The following GYS2 variants were observed in gnomAD, a reference collection of about 807,000 sequenced individuals.
The protein encoded by GYS2 is glycogen [starch] synthase, liver.
In GYS2, 80 loss-of-function variants were observed where a neutral mutation model predicts 85.6. The observed-to-expected ratio is 0.93, with a 90% CI of 0.78 to 1.13. The LOEUF (loss-of-function observed/expected upper bound fraction) is 1.13, where lower values mean the gene tolerates loss of function less well. GYS2 is among the 50% of genes most tolerant of loss of function. The pLI is 0.00. For synonymous variants in GYS2, 328 were observed against 300.7 expected (o/e 1.09, Z -0.94); for missense variants, 881 against 854.9 (o/e 1.03, Z -0.38).
chr12:21,600,049 C>G (rs886242030), intron 1 of GYS2, among the ~76,000 whole-genome samples: 2 of 152,074 alleles, frequency 1.3e-5, no homozygotes, highest in Admixed American at 1.3e-4. Context: ...CCAAATCATG[C>G]AGTCTGACTT....
In GYS2 at chr12:21,574,234, A is replaced by T. The variant is rs1446031157; in HGVS notation, c.588T>A (p.Leu196=). ...IGLILSRARK[L]PIATIFTTHA... Reference sequence around the variant, plus strand: ...GGGTTGTAAATATTGTGGCAATAGGAAGTTTCCTGGCTCGAGAAAGGATCA... The same window carrying T: ...GGGTTGTAAATATTGTGGCAATAGGTAGTTTCCTGGCTCGAGAAAGGATCA... Residue 196 remains leucine, a synonymous_variant, in exon 4 of 16, where the codon CTT becomes CTA. Transcript: ENST00000261195. 6.2e-7 allele frequency: 1 copy of T among 1,613,592 alleles called. No homozygotes were observed. The highest frequency in any genetic ancestry group is 1.1e-5 in the South Asian group (1 of 91,072).
intron 15 of GYS2, among the ~76,000 whole-genome samples, chr12:21,538,013 C>T (rs578211700): frequency 6.6e-6 from 1 of 152,280 alleles, no homozygotes; most frequent in Admixed American, 6.5e-5. Flanking sequence ...AGCAATACAA[C>T]AAAAGAACTG....
At position 21,540,489 on chromosome 12, in the gene GYS2, T is replaced by C. The variant is rs1156942934; in HGVS notation, c.1730A>G (p.Gln577Arg). 1.2e-6 allele frequency: 2 copies of C among 1,613,900 alleles called. No homozygotes were observed. The highest frequency in any genetic ancestry group is 1.7e-6 in the Non-Finnish European group (2 of 1,179,898). ...LTKFLYGFCK[Q>R]SRRQRIIQRN... The stretch of plus-strand genomic sequence containing the variant: ...CTGGATAATCCTTTGGCGGCGTGAC[T>C]GTTTGCAAAATCCATAGAGAAACTT... The change falls in exon 14 of 16, where the codon CAG becomes CGG. Residue 577 changes from glutamine (Q) to arginine (R), a missense_variant. Gln to Arg is a conservative substitution (Grantham distance 43). Coordinates refer to ENST00000261195, the MANE Select transcript of GYS2 (RefSeq NM_021957.4).
At chr12:21,538,887 C>G (rs935730144) in intron 15 of GYS2, among the ~76,000 whole-genome samples, 1 of 152,192 alleles carries the variant, frequency 6.6e-6, no homozygotes. Flanking sequence ...GCTGAACTTA[C>G]TCTATTTTAC....
intron 1 of GYS2, among the ~76,000 whole-genome samples, chr12:21,581,179 A>G (rs1944505332): frequency 6.6e-6 from 1 of 152,178 alleles, no homozygotes; most frequent in Non-Finnish European, 1.5e-5. Flanking sequence ...CTCTCTTCCT[A>G]GTAAGGGAGG....
intron 4 of GYS2, among the ~76,000 whole-genome samples, chr12:21,570,539 C>T (rs942347800): frequency 2.6e-5 from 4 of 152,180 alleles, no homozygotes; most frequent in African/African-American, 7.2e-5. Flanking sequence ...CTTTCTATCT[C>T]CAAATTGGTT....
chr12:21,572,049 AAG>A (rs1944393113), intron 4 of GYS2, among the ~76,000 whole-genome samples: 1 of 152,140 alleles, frequency 6.6e-6, no homozygotes, highest in African/African-American at 2.4e-5. Flanking sequence ...GAGGAAAAAA[AAG>A]AATTTATTAT....
At chr12:21,550,364 A>G (rs3916076) in intron 11 of GYS2, among the ~76,000 whole-genome samples, 108,537 of 150,912 alleles carry the variant, frequency 0.72, 39,727 homozygotes, top group South Asian at 0.8. Flanking sequence ...CCTGGTTTTT[A>G]CTACCTTTAA....
chr12:21,590,575 CCCACA>C (rs1565611540), intron 1 of GYS2, among the ~76,000 whole-genome samples: 1 of 152,162 alleles, frequency 6.6e-6, no homozygotes, highest in Non-Finnish European at 1.5e-5. Context: ...ACAGCCATCA[CCCACA>C]CCACACCCAC....
At chr12:21,547,086 C>T (rs987092378) in intron 11 of GYS2, among the ~76,000 whole-genome samples, 8 of 152,124 alleles carry the variant, frequency 5.3e-5, no homozygotes, top group Non-Finnish European at 1.2e-4. Flanking sequence ...CTAGATTGAT[C>T]CTTTAAAAAT....
downstream of GYS2, among the ~76,000 whole-genome samples, chr12:21,534,601 AAGAG>A (rs535218006): frequency 2.0e-5 from 3 of 151,928 alleles, no homozygotes; most frequent in Admixed American, 6.6e-5. Flanking sequence ...AGAAAGAAAA[AAGAG>A]AGAAGGTAAG....
intron 4 of GYS2, among the ~76,000 whole-genome samples, chr12:21,570,749 G>C (rs912691804): frequency 5.3e-5 from 8 of 152,184 alleles, no homozygotes; most frequent in Admixed American, 5.2e-4. Context: ...AATAGGGCCA[G>C]ATCACTGAAA....
At chr12:21,584,415 A>G (rs1047333553) in intron 1 of GYS2, among the ~76,000 whole-genome samples, 24 of 134,564 alleles carry the variant, frequency 1.8e-4, no homozygotes, top group African/African-American at 6.5e-4. Flanking sequence ...GGATTTTAAT[A>G]ATCAAGTGGA....
Position 21,536,651 on chromosome 12 carries a change from A to G in GYS2, c.*303T>C. On this transcript the variant is annotated 3_prime_UTR_variant, in exon 16 of 16. Transcript: ENST00000261195. ...ATGATGATCATTTAAAAATAAACAG[A>G]GTAAGAGAAAATCCTTACCACTTAA... is the stretch of plus-strand genomic sequence containing the variant. 2.5e-6 allele frequency: 1 copy of G among 405,486 alleles called. No individual in the cohort carries two copies. The highest frequency in any genetic ancestry group is 2.3e-5 in the South Asian group (1 of 42,668). 25.1% of individuals were successfully genotyped at this position (405,486 alleles called of 1,614,324 possible).
intron 5 of GYS2, among the ~76,000 whole-genome samples, chr12:21,568,535 T>C (rs1380071705): frequency 1.3e-5 from 2 of 152,250 alleles, no homozygotes; most frequent in African/African-American, 4.8e-5. Context: ...TTCTGTTTTC[T>C]TGGCTTTCAT....
rs1362808532 is a variant in GYS2 at position 21,604,773 on chromosome 12, A to C, written c.-181T>G. 11 of 1,404,714 alleles carry C rather than the reference A, an allele frequency of 7.8e-6. No homozygotes were observed. The East Asian group carries it at 3.1e-4, about 40-fold the overall frequency. The allele number at this position is 1,404,714 out of a possible 1,614,324, so 87.0% of individuals were successfully genotyped here. ...TGCTTCCCACAGAATTCCTGGTGGAAGGAGGAATTCTTCCTCCTCTTTCTC... is the reference window on the plus strand; with the variant it reads ...TGCTTCCCACAGAATTCCTGGTGGACGGAGGAATTCTTCCTCCTCTTTCTC... On this transcript the variant is annotated 5_prime_UTR_variant, in exon 1 of 16. Coordinates refer to ENST00000261195, the MANE Select transcript of GYS2 (RefSeq NM_021957.4).
At chr12:21,574,873 A>G (rs917587199) in intron 3 of GYS2, among the ~76,000 whole-genome samples, 1 of 151,998 alleles carries the variant, frequency 6.6e-6, no homozygotes, top group African/African-American at 2.4e-5. Flanking sequence ...GGAGAAGCAA[A>G]TGTTGCCTAA....
intron 11 of GYS2, among the ~76,000 whole-genome samples, chr12:21,552,854 T>A (rs574311786): frequency 7.4e-4 from 113 of 152,238 alleles, no homozygotes; most frequent in African/African-American, 2.7e-3. Context: ...AGCTAACACG[T>A]CATCTCTTTT....
chr12:21,604,388 A>T, intron 1 of GYS2, 84 bp downstream of exon 1: 1 of 857,058 alleles, frequency 1.2e-6, no homozygotes, highest in Non-Finnish European at 2.0e-6. Context: ...GGTTATCACT[A>T]GAGAGTTATC....
Sources: gnomAD v4.1 joint callset for allele counts (sites outside exome capture counted in the v4.1 genomes callset) on GRCh38, gnomAD v4.1.1 for gene constraint, MANE v1.5 for transcripts, NCBI Gene and HGNC (gene_info 2026-07-23, HGNC 2026-07-21) for gene names.